Variants in TIMP4 observed in about 807,000 individuals in gnomAD.
The protein encoded by TIMP4 is metalloproteinase inhibitor 4.
Under a neutral mutation model 27.3 loss-of-function variants are expected in TIMP4, and 28 were observed. That is an observed-to-expected ratio of 1.03 (90% CI 0.76 to 1.41). The LOEUF (loss-of-function observed/expected upper bound fraction) is 1.41, where lower values mean the gene tolerates loss of function less well. Among genes scored for constraint, TIMP4 ranks in the 40% most tolerant of loss-of-function variants. TIMP4 has a pLI of 0.00. For missense variants in TIMP4, 307 were observed against 285.5 expected, an observed-to-expected ratio of 1.08 and a Z score of -0.54; for synonymous variants, 138 against 115.5, an observed-to-expected ratio of 1.20 and a Z score of -1.25.
Position 12,156,887 on chromosome 3 carries a change from C to T in TIMP4, c.285G>A (p.Thr95=), listed in dbSNP as rs373683527. 66 of 1,613,984 alleles carry T rather than the reference C, an allele frequency of 4.1e-5. No homozygotes were observed. Among genetic ancestry groups the T allele is most frequent in the East Asian group, 6.7e-5 (3 of 44,894 alleles). ...CACCACAGAGGGAAGAGTCAAAAGG[C>T]GTATAGATATACTGAACATCCTTGA... is the stretch of plus-strand genomic sequence containing the variant. The part of the protein sequence containing the change: ...EKVKDVQYIY[T]PFDSSLCGVK... The change falls in exon 3 of 5, where the codon ACG becomes ACA. Residue 95 remains threonine (T), a synonymous_variant. Coordinates refer to ENST00000287814, the MANE Select transcript of TIMP4 (RefSeq NM_003256.4).
chr3:12,154,336 A>T lies in TIMP4; in HGVS notation c.468T>A (p.Cys156Ter). 2 of 1,614,218 alleles carry T rather than the reference A, an allele frequency of 1.2e-6. No homozygotes were observed. The highest frequency in any genetic ancestry group is 1.7e-6 in the Non-Finnish European group (2 of 1,180,022). Reference sequence around the variant, plus strand: ...ATGGACATTCCCTTACTTGGCAGCCACAGTTCAGATGGTAGTGATGATTCA... The same window carrying T: ...ATGGACATTCCCTTACTTGGCAGCCTCAGTTCAGATGGTAGTGATGATTCA... ...ESLNHHYHLN[C>*]GCQITTCYTV... The change falls in exon 4 of 5, where the codon TGT becomes TGA. Residue 156 changes from cysteine to a stop codon, truncating the protein, a stop_gained. Coordinates refer to ENST00000287814, the MANE Select transcript of TIMP4 (RefSeq NM_003256.4). LOFTEE classifies it high-confidence loss of function.
chr3:12,155,168 A>T (rs1468319612), intron 3 of TIMP4, among the ~76,000 whole-genome samples: 1 of 152,262 alleles, frequency 6.6e-6, no homozygotes, highest in East Asian at 1.9e-4. Flanking sequence ...CAGTCGCTCA[A>T]TCATTTACTC....
At chr3:12,155,506 A>C (rs1024933493) in intron 3 of TIMP4, among the ~76,000 whole-genome samples, 2 of 152,178 alleles carry the variant, frequency 1.3e-5, no homozygotes, top group Non-Finnish European at 2.9e-5. Flanking sequence ...AGGGAGACAC[A>C]GCCTGGCAGC....
chr3:12,154,441 G>C lies in TIMP4; in HGVS notation c.363C>G (p.Leu121=), dbSNP rs764130812. The C allele has an allele frequency of 7.6e-5, 123 of 1,613,954 alleles. No homozygotes were observed. The highest frequency in any genetic ancestry group is 9.2e-5 in the Non-Finnish European group (109 of 1,180,018). The change falls in exon 4 of 5, where the codon CTC becomes CTG. Residue 121 remains leucine, a synonymous_variant. Transcript: ENST00000287814. ...QKQYLLTGQV[L]SDGKVFIHLC... is the part of the protein sequence containing the mutation. ...GATGGATGAAGACTTTTCCATCACT[G>C]AGGACCTGACCTTCAAGGGGAGATG... is the stretch of plus-strand genomic sequence containing the variant.
At chr3:12,157,322 AAC>A (rs1324269055) in intron 2 of TIMP4, 61 bp downstream of exon 2, 3 of 1,522,540 alleles carry the variant, frequency 2.0e-6, no homozygotes, top group South Asian at 1.1e-5. Context: ...GCCCTCCCAG[AAC>A]ACAGACTCCA....
Position 12,158,785 on chromosome 3 carries a change from G to T in TIMP4, c.56C>A (p.Ala19Glu), listed in dbSNP as rs200818687. ...PSWVLLLRLL[A>E]LLRPPGLGEA... ...ACCCAGCCCCGGGGGCCGCAGCAACGCCAGCAGCCGCAGCAACAGCACCCA... is the reference window on the plus strand; with the variant it reads ...ACCCAGCCCCGGGGGCCGCAGCAACTCCAGCAGCCGCAGCAACAGCACCCA... The change falls in exon 1 of 5, where the codon GCG becomes GAG. Residue 19 changes from alanine to glutamate, a missense_variant. Ala to Glu is a moderately radical substitution (Grantham distance 107). Coordinates refer to ENST00000287814, the MANE Select transcript of TIMP4 (RefSeq NM_003256.4). The T allele has an allele frequency of 6.2e-7, 1 of 1,603,078 alleles. No individual in the cohort carries two copies. The highest frequency in any genetic ancestry group is 1.7e-5 in the Admixed American group (1 of 59,792).
chr3:12,157,152 T>G (rs1401626337), intron 2 of TIMP4, among the ~76,000 whole-genome samples: 1 of 152,202 alleles, frequency 6.6e-6, no homozygotes, highest in Non-Finnish European at 1.5e-5. Flanking sequence ...TAGGTACCTG[T>G]AGTGGCACCA....
rs1361225171 is a variant in TIMP4 at position 12,158,903 on chromosome 3, C to T, written c.-63G>A. On this transcript the variant is annotated 5_prime_UTR_variant, in exon 1 of 5. Coordinates refer to ENST00000287814, the MANE Select transcript of TIMP4 (RefSeq NM_003256.4). The stretch of plus-strand genomic sequence containing the variant: ...GGGACTGGACGGCCCCAGCAGGGCT[C>T]CTTCCCAAGGCCGTTGTGCCCCTCG... The T allele has an allele frequency of 6.9e-7, 1 of 1,456,736 alleles. No individual in the cohort carries two copies. Among genetic ancestry groups the T allele is most frequent in the African/African-American group, 1.4e-5 (1 of 70,368 alleles). The allele number at this position is 1,456,736 out of a possible 1,614,324, so 90.2% of individuals were successfully genotyped here.
At chr3:12,156,200 T>C (rs368510807) in intron 3 of TIMP4, among the ~76,000 whole-genome samples, 1 of 152,372 alleles carries the variant, frequency 6.6e-6, no homozygotes, top group East Asian at 1.9e-4. Context: ...TTTCTAAATA[T>C]TGTTTTATGT....
At chr3:12,155,353 A>G (rs557716778) in intron 3 of TIMP4, among the ~76,000 whole-genome samples, 3 of 152,384 alleles carry the variant, frequency 2.0e-5, no homozygotes, top group Admixed American at 2.0e-4. Flanking sequence ...AATTATTTCC[A>G]TCTATGGAAG....
rs779004940 is a variant in TIMP4, at chr3:12,153,531, T to A, written c.659A>T (p.Asp220Val). 3.7e-6 allele frequency: 6 copies of A among 1,613,596 alleles called. No homozygotes were observed. The Admixed American group carries it at 6.7e-5, about 18-fold the overall frequency. Residue 220 changes from aspartate (D) to valine (V), a missense_variant, in exon 5 of 5, where the codon GAC (aspartate) becomes GTC (valine). Physicochemically the swap from Asp to Val is radical, Grantham distance 152. Transcript: ENST00000287814. ...TGGTCCCTACTAGGGCTGAACGATGTCAACAAACTCCTTCCTGAGAGGCAG... is the reference window on the plus strand; with the variant it reads ...TGGTCCCTACTAGGGCTGAACGATGACAACAAACTCCTTCCTGAGAGGCAG... The part of the protein sequence containing the change: ...GHLPLRKEFV[D>V]IVQP
chr3:12,154,408 G>GT lies in TIMP4; in HGVS notation c.395dup (p.Asn132LysfsTer43). The GT allele has an allele frequency of 6.2e-7, 1 of 1,614,200 alleles. No homozygotes were observed. Among genetic ancestry groups the GT allele is most frequent in the Non-Finnish European group, 8.5e-7 (1 of 1,180,026 alleles). On this transcript the variant is annotated frameshift_variant, in exon 4 of 5. Transcript: ENST00000287814. LOFTEE classifies it high-confidence loss of function. ...ACAGGTCCTCCCAGGGCTCGATGTA[G>GT]TTGCACAGATGGATGAAGACTTTTC... is the stretch of plus-strand genomic sequence containing the variant.
intron 4 of TIMP4, 98 bp downstream of exon 4, chr3:12,154,229 C>T (rs1213346747): frequency 1.3e-6 from 2 of 1,549,102 alleles, no homozygotes; most frequent in South Asian, 1.2e-5. Context: ...CAGTGCAGAT[C>T]TCAAGTATAG....
rs890413137 is a variant in TIMP4 at position 12,153,214 on chromosome 3, T to C, written c.*301A>G. The C allele has an allele frequency of 2.1e-6, 1 of 469,452 alleles. No individual in the cohort carries two copies. Among genetic ancestry groups the C allele is most frequent in the Admixed American group, 3.3e-5 (1 of 30,198 alleles). The allele number at this position is 469,452 out of a possible 1,614,324, so 29.1% of individuals were successfully genotyped here. A position where few individuals can be genotyped will look rare whatever the true frequency, so the allele number is the denominator to read the frequency against. ...ATCGATTAAGACAAAGGAAAACACA[T>C]ATTCCTGGGGAGGAAAGGGAATAGT... On this transcript the variant is annotated 3_prime_UTR_variant, in exon 5 of 5. Coordinates refer to ENST00000287814, the MANE Select transcript of TIMP4 (RefSeq NM_003256.4).
In TIMP4 at chr3:12,154,313, G is replaced by A; in HGVS notation, c.477+14C>T. 1 of 1,614,172 alleles carries A rather than the reference G, an allele frequency of 6.2e-7. No homozygotes were observed. Among genetic ancestry groups the A allele is most frequent in the Non-Finnish European group, 8.5e-7 (1 of 1,180,008 alleles). On this transcript the variant is annotated intron_variant, in intron 4 of 4. Transcript: ENST00000287814. ...CCCCATCCCTAAAGACTTTGGAAAT[G>A]GACATTCCCTTACTTGGCAGCCACA...
chr3:12,153,574 T>A lies in TIMP4; in HGVS notation c.616A>T (p.Ser206Cys), dbSNP rs1178821414. The change falls in exon 5 of 5, where the codon AGC becomes TGC. Residue 206 changes from serine to cysteine, a missense_variant. Transcript: ENST00000287814. ...VCMKHVDGTC[S>C]WYRGHLPLRK... Reference sequence around the variant, plus strand: ...AGAGGCAGGTGGCCCCGGTACCAGCTGCAGGTGCCGTCAACATGCTTCATA... The same window carrying A: ...AGAGGCAGGTGGCCCCGGTACCAGCAGCAGGTGCCGTCAACATGCTTCATA... The A allele has an allele frequency of 6.2e-7, 1 of 1,614,122 alleles. No individual in the cohort carries two copies. The highest frequency in any genetic ancestry group is 1.1e-5 in the South Asian group (1 of 91,068).
At chr3:12,156,987 A>G (rs1697478033) in intron 2 of TIMP4, 53 bp from the exon 3 acceptor site, 6 of 1,298,024 alleles carry the variant, frequency 4.6e-6, no homozygotes, top group Admixed American at 1.9e-5. Context: ...TGTACTGTAT[A>G]TATTAACAGA....
intron 4 of TIMP4, 122 bp downstream of exon 4, chr3:12,154,205 T>C (rs920312554): frequency 2.1e-6 from 3 of 1,433,036 alleles, no homozygotes; most frequent in African/African-American, 2.8e-5. Flanking sequence ...TGCTTTCTCA[T>C]CCCCAACTTC....
At position 12,153,192 on chromosome 3, in the gene TIMP4, G is replaced by A. The variant is rs916501680; in HGVS notation, c.*323C>T. The A allele has an allele frequency of 1.2e-5, 5 of 417,440 alleles. No homozygotes were observed. Among genetic ancestry groups the A allele is most frequent in the Non-Finnish European group, 2.3e-5 (5 of 221,926 alleles). The allele number at this position is 417,440 out of a possible 1,614,324, so 25.9% of individuals were successfully genotyped here. ...TTCGCCATTTCTCCCCTACCAGATC[G>A]ATTAAGACAAAGGAAAACACATATT... On this transcript the variant is annotated 3_prime_UTR_variant, in exon 5 of 5. Coordinates refer to ENST00000287814, the MANE Select transcript of TIMP4 (RefSeq NM_003256.4).
Sources: gnomAD v4.1 joint callset for allele counts (sites outside exome capture counted in the v4.1 genomes callset) on GRCh38, gnomAD v4.1.1 for gene constraint, MANE v1.5 for transcripts, NCBI Gene and HGNC (gene_info 2026-07-23, HGNC 2026-07-21) for gene names.